CAMK2G: variants seen among roughly 807,000 people sequenced by gnomAD.
CAMK2G encodes calcium/calmodulin dependent protein kinase II gamma.
In CAMK2G, 23 loss-of-function variants were observed where a neutral mutation model predicts 88.7. The ratio of observed to expected loss-of-function variants is 0.26; its 90% CI spans 0.19 to 0.37. The LOEUF is 0.37. CAMK2G is among the 10% of genes least tolerant of loss of function. CAMK2G has a pLI of 1.00. For missense variants in CAMK2G, 476 were observed against 780.8 expected (o/e 0.61, Z 4.65); for synonymous variants, 263 against 294.8 (o/e 0.89, Z 1.11).
intron 10 of CAMK2G, among the ~76,000 whole-genome samples, chr10:73,845,708 C>T (rs1034533071): frequency 6.6e-6 from 1 of 152,084 alleles, no homozygotes; most frequent in Non-Finnish European, 1.5e-5. Flanking sequence ...CTTTGCTCCC[C>T]CCAAATCCAA....
chr10:73,872,377 C>A (rs2095864008), intron 2 of CAMK2G, among the ~76,000 whole-genome samples: 1 of 152,188 alleles, frequency 6.6e-6, no homozygotes, highest in Non-Finnish European at 1.5e-5. Context: ...CACCCTCCAC[C>A]CAGGACAGAC....
intron 9 of CAMK2G, 106 bp from the exon 10 acceptor site, chr10:73,847,453 A>G: frequency 8.0e-7 from 1 of 1,248,736 alleles, no homozygotes; most frequent in Non-Finnish European, 1.1e-6. Context: ...ACTCTGTGGT[A>G]CCTAAAGCTG....
At chr10:73,850,376 G>A (rs1031270073) in intron 5 of CAMK2G, among the ~76,000 whole-genome samples, 1 of 152,196 alleles carries the variant, frequency 6.6e-6, no homozygotes, top group Non-Finnish European at 1.5e-5. Flanking sequence ...AGGGAGCGGG[G>A]GCAGTCTAGA....
At chr10:73,835,846 T>C (rs971186053) in intron 14 of CAMK2G, among the ~76,000 whole-genome samples, 1 of 152,214 alleles carries the variant, frequency 6.6e-6, no homozygotes, top group Non-Finnish European at 1.5e-5. Context: ...TCTCTTTTCT[T>C]TATTTTCAGA....
chr10:73,871,349 G>A (rs1374984533), intron 2 of CAMK2G, among the ~76,000 whole-genome samples: 1 of 152,162 alleles, frequency 6.6e-6, no homozygotes. Context: ...TCAGGCAGCT[G>A]CAGGAAGTCA....
chr10:73,833,665 A>T (rs1373324060), intron 14 of CAMK2G, among the ~76,000 whole-genome samples: 2 of 148,254 alleles, frequency 1.3e-5, no homozygotes, highest in African/African-American at 5.0e-5. Context: ...GTGTAATCCC[A>T]GCTCACGGCA....
chr10:73,866,900 G>A (rs1242723702), intron 2 of CAMK2G, among the ~76,000 whole-genome samples: 2 of 152,182 alleles, frequency 1.3e-5, no homozygotes, highest in African/African-American at 2.4e-5. Flanking sequence ...CCCAAGCCAC[G>A]ATCCCACCGA....
intron 18 of CAMK2G, among the ~76,000 whole-genome samples, chr10:73,820,697 A>T (rs2088142695): frequency 1.2e-5 from 1 of 81,702 alleles, no homozygotes; most frequent in Non-Finnish European, 2.4e-5. Context: ...TTTGAGAAGA[A>T]GTTTCGCTCT....
In CAMK2G at chr10:73,829,348, G is replaced by A. The variant is rs2091935893; in HGVS notation, c.1054-1227C>T. On this transcript the variant is annotated intron_variant, in intron 14 of 22. Coordinates refer to ENST00000423381, the MANE Select transcript of CAMK2G (RefSeq NM_001367534.1). Reference sequence around the variant, plus strand: ...CTCACTCTGTTGCCCAGGCTGGAGTGCAGTGGCACCATCTCGGCTCACTGC... The same window carrying A: ...CTCACTCTGTTGCCCAGGCTGGAGTACAGTGGCACCATCTCGGCTCACTGC... 2.0e-5 allele frequency among the ~76,000 whole-genome samples: 3 copies of A among 151,662 alleles called. No homozygotes were observed. The South Asian group carries it at 6.3e-4, about 32-fold the overall frequency.
chr10:73,822,901 G>A (rs531780010), intron 17 of CAMK2G, among the ~76,000 whole-genome samples: 92 of 152,234 alleles, frequency 6.0e-4, no homozygotes, highest in African/African-American at 1.6e-3. Flanking sequence ...TTGCTCTGTC[G>A]CCCAGGCTGA....
chr10:73,852,130 G>T lies in CAMK2G; in HGVS notation c.341+124C>A. On this transcript the variant is annotated intron_variant, in intron 5 of 22. Coordinates refer to ENST00000423381, the MANE Select transcript of CAMK2G (RefSeq NM_001367534.1). ...CTCAACAGAATCTTTCTCCAGACAA[G>T]AGCTATTCTGATCTTCCCCAAAGAC... 3 of 738,044 alleles carry T rather than the reference G, an allele frequency of 4.1e-6. No individual in the cohort carries two copies. In the South Asian group the frequency reaches 4.8e-5, roughly 12 times the overall value. 45.7% of individuals were successfully genotyped at this position (738,044 alleles called of 1,614,324 possible). A position where few individuals can be genotyped will look rare whatever the true frequency, so the allele number is the denominator to read the frequency against.
chr10:73,815,646 G>A (rs2085213113), intron 21 of CAMK2G, among the ~76,000 whole-genome samples: 1 of 152,170 alleles, frequency 6.6e-6, no homozygotes, highest in Non-Finnish European at 1.5e-5. Flanking sequence ...AAAGCCTATA[G>A]ATTTTCTATT....
rs148819388 is a variant in CAMK2G at position 73,815,233 on chromosome 10, T to G, written c.1549A>C (p.Ser517Arg). ...FYFENLLSKN[S>R]KPIHTTILNP... Reference sequence around the variant, plus strand: ...AGGATGGTGGTATGGATAGGCTTGCTGTTCTTGGACAGGACTGCAGGGCAG... The same window carrying G: ...AGGATGGTGGTATGGATAGGCTTGCGGTTCTTGGACAGGACTGCAGGGCAG... Residue 517 changes from serine (S) to arginine (R), a missense_variant, in exon 22 of 23, where the codon AGC (serine) becomes CGC (arginine). Coordinates refer to ENST00000423381, the MANE Select transcript of CAMK2G (RefSeq NM_001367534.1). 6.2e-7 allele frequency: 1 copy of G among 1,613,834 alleles called. No homozygotes were observed. The highest frequency in any genetic ancestry group is 2.2e-5 in the East Asian group (1 of 44,880).
intron 2 of CAMK2G, among the ~76,000 whole-genome samples, chr10:73,864,014 T>C (rs2095488830): frequency 6.6e-6 from 1 of 152,172 alleles, no homozygotes; most frequent in African/African-American, 2.4e-5. Flanking sequence ...TCCAGCAAGC[T>C]ATTAAACCCA....
intron 17 of CAMK2G, among the ~76,000 whole-genome samples, chr10:73,822,448 G>A (rs1290998363): frequency 1.3e-5 from 2 of 152,114 alleles, no homozygotes; most frequent in Non-Finnish European, 2.9e-5. Context: ...GATTACGGGC[G>A]TGAGCCACCA....
At position 73,825,366 on chromosome 10, in the gene CAMK2G, T is replaced by G; in HGVS notation, c.1087-19A>C. The G allele has an allele frequency of 6.2e-7, 1 of 1,606,332 alleles. No homozygotes were observed. ...TCTGTGGCTGAGACAAGAAAACAGA[T>G]GGTTTAGTTCCTCCAGAGTCCCCAA... is the stretch of plus-strand genomic sequence containing the variant. On this transcript the variant is annotated intron_variant, in intron 15 of 22. Coordinates refer to ENST00000423381, the MANE Select transcript of CAMK2G (RefSeq NM_001367534.1).
chr10:73,860,647 T>C (rs545975977), intron 3 of CAMK2G, among the ~76,000 whole-genome samples, 183 bp downstream of exon 3: 11 of 152,330 alleles, frequency 7.2e-5, no homozygotes, highest in Admixed American at 7.2e-4. Flanking sequence ...GTGATGCAGA[T>C]ACTCAGGTCT....
chr10:73,852,938 T>A, intron 4 of CAMK2G: 2 of 510,104 alleles, frequency 3.9e-6, no homozygotes, highest in East Asian at 3.3e-5. Context: ...GACAAAGGCA[T>A]CTGTGCAAGG....
At chr10:73,824,718 C>T (rs2090333977) in intron 16 of CAMK2G, among the ~76,000 whole-genome samples, 1 of 152,208 alleles carries the variant, frequency 6.6e-6, no homozygotes, top group Non-Finnish European at 1.5e-5. Context: ...AGTTAGCCAC[C>T]ACTAGCAGAG....
Sources: gnomAD v4.1 joint callset for allele counts (sites outside exome capture counted in the v4.1 genomes callset) on GRCh38, gnomAD v4.1.1 for gene constraint, MANE v1.5 for transcripts, NCBI Gene and HGNC (gene_info 2026-07-23, HGNC 2026-07-21) for gene names.